The following HHAT variants were observed in gnomAD, a reference collection of about 807,000 sequenced individuals.
HHAT encodes the protein hedgehog acyltransferase, also known as protein-cysteine N-palmitoyltransferase HHAT.
In HHAT, 47 loss-of-function variants were observed where a neutral mutation model predicts 70.8. The ratio of observed to expected loss-of-function variants is 0.66; its 90% CI spans 0.53 to 0.85. The LOEUF (loss-of-function observed/expected upper bound fraction) is 0.85. Among genes scored for constraint, HHAT ranks in the 40% least tolerant of loss-of-function variants. The pLI, the probability that HHAT is intolerant of heterozygous loss-of-function variation, is 0.00. For synonymous variants in HHAT, 228 were observed against 247.6 expected (o/e 0.92, Z 0.74); for missense variants, 609 against 604.8 (o/e 1.01, Z -0.07).
chr1:210,437,841 ATTGGACACTCCCATGAATCAGTT>A lies in HHAT; in HGVS notation c.856+19519_856+19541del, dbSNP rs562132509. On this transcript the variant is annotated intron_variant, in intron 7 of 11. Transcript: ENST00000261458. ...ACAATCCTAACTATCCCAGGAAACT[ATTGGACACTCCCATGAATCAGTT>A]TTAGATTCTTACAGACAAATTGGCC... Among the ~76,000 whole-genome samples the A allele has an allele frequency of 2.3e-4, 35 of 152,062 alleles. 1 individual carries two copies. Among genetic ancestry groups the A allele is most frequent in the African/African-American group, 7.7e-4 (32 of 41,316 alleles).
chr1:210,607,467 G>A (rs1424955085), intron 10 of HHAT, among the ~76,000 whole-genome samples: 3 of 152,126 alleles, frequency 2.0e-5, no homozygotes, highest in African/African-American at 7.2e-5. Context: ...ACTTAAAAAG[G>A]AGGCCTTGCT....
Position 210,464,589 on chromosome 1 carries a change from A to G in HHAT, c.941A>G (p.Asp314Gly). ...FGVPALLMRLDGLTPPALPRC... is the reference protein window; with the variant it reads ...FGVPALLMRLGGLTPPALPRC... Reference sequence around the variant, plus strand: ...GTGCCTGCTCTGCTCATGCGCCTGGATGGACTCACTCCACCCGCCCTCCCC... The same window carrying G: ...GTGCCTGCTCTGCTCATGCGCCTGGGTGGACTCACTCCACCCGCCCTCCCC... The change falls in exon 8 of 12, where the codon GAT becomes GGT. Residue 314 changes from aspartate to glycine, a missense_variant. Coordinates refer to ENST00000261458, the MANE Select transcript of HHAT (RefSeq NM_018194.6). 2 of 1,614,108 alleles carry G rather than the reference A, an allele frequency of 1.2e-6. No individual in the cohort carries two copies. Among genetic ancestry groups the G allele is most frequent in the Non-Finnish European group, 1.7e-6 (2 of 1,180,008 alleles).
At chr1:210,347,773 G>C (rs957446402) in intron 1 of HHAT, among the ~76,000 whole-genome samples, 6 of 152,124 alleles carry the variant, frequency 3.9e-5, no homozygotes, top group Non-Finnish European at 8.8e-5. Context: ...CTGGATTTGG[G>C]GACTGAGAGG....
chr1:210,635,045 C>A (rs1671611744), intron 11 of HHAT, among the ~76,000 whole-genome samples: 1 of 152,134 alleles, frequency 6.6e-6, no homozygotes, highest in African/African-American at 2.4e-5. Flanking sequence ...CAGGGATGCA[C>A]CAATAAGCTG....
intron 8 of HHAT, among the ~76,000 whole-genome samples, chr1:210,466,001 G>T (rs1203554736): frequency 1.8e-5 from 1 of 55,260 alleles, no homozygotes; most frequent in African/African-American, 7.4e-5. Context: ...TGAATTGCAA[G>T]GAATTGCAAG....
intron 6 of HHAT, among the ~76,000 whole-genome samples, chr1:210,417,123 T>C (rs142941206): frequency 6.6e-6 from 1 of 152,300 alleles, no homozygotes; most frequent in African/African-American, 2.4e-5. Context: ...CTACACACAT[T>C]GCTGAAAGAA....
At chr1:210,574,010 T>C (rs75852973) in intron 9 of HHAT, among the ~76,000 whole-genome samples, 3,250 of 152,304 alleles carry the variant, frequency 0.021, 120 homozygotes, top group African/African-American at 0.073. Flanking sequence ...AATTAGACTC[T>C]GGTGGAGTAA....
intron 10 of HHAT, among the ~76,000 whole-genome samples, 161 bp from the exon 11 acceptor site, chr1:210,623,365 G>T (rs907925521): frequency 2.0e-5 from 3 of 152,120 alleles, no homozygotes; most frequent in African/African-American, 7.2e-5. Flanking sequence ...GAGCTGCCAC[G>T]CCCAGACAGG....
chr1:210,355,660 C>T (rs2087537240), intron 2 of HHAT, among the ~76,000 whole-genome samples: 1 of 152,028 alleles, frequency 6.6e-6, no homozygotes, highest in African/African-American at 2.4e-5. Flanking sequence ...TTTGTTTTGT[C>T]TCATCCCCAA....
intron 7 of HHAT, among the ~76,000 whole-genome samples, chr1:210,442,097 A>G (rs1002305164): frequency 1.4e-5 from 2 of 140,524 alleles, no homozygotes; most frequent in African/African-American, 5.1e-5. Context: ...GAGAATATGC[A>G]GTGTTTGGTT....
In HHAT at chr1:210,329,087, G is replaced by A; in HGVS notation, c.-61G>A. Reference sequence around the variant, plus strand: ...GCGCGTGAACGTTGCCGTCGCCGCCGCCCGGGACAGCCCGGAGGTTGGTAA... The same window carrying A: ...GCGCGTGAACGTTGCCGTCGCCGCCACCCGGGACAGCCCGGAGGTTGGTAA... On this transcript the variant is annotated 5_prime_UTR_variant, in exon 1 of 12. Coordinates refer to ENST00000261458, the MANE Select transcript of HHAT (RefSeq NM_018194.6). 1 of 1,408,354 alleles carries A rather than the reference G, an allele frequency of 7.1e-7. No homozygotes were observed. Among genetic ancestry groups the A allele is most frequent in the Non-Finnish European group, 9.3e-7 (1 of 1,079,890 alleles). 87.2% of individuals were successfully genotyped at this position (1,408,354 alleles called of 1,614,324 possible). A position where few individuals can be genotyped will look rare whatever the true frequency, so the allele number is the denominator to read the frequency against.
At chr1:210,384,008 G>C (rs2090858123) in intron 3 of HHAT, among the ~76,000 whole-genome samples, 1 of 152,100 alleles carries the variant, frequency 6.6e-6, no homozygotes, top group Non-Finnish European at 1.5e-5. Flanking sequence ...TTCCTATTTA[G>C]ACTTTGAGCT....
rs924550801 is a variant in HHAT at position 210,675,095 on chromosome 1, G to A, written c.*716G>A. ...TAGTTCCTCTACCTTACAGTTAATCGTTTCTTAATAAAGAAGCAGAATTTA... is the reference window on the plus strand; with the variant it reads ...TAGTTCCTCTACCTTACAGTTAATCATTTCTTAATAAAGAAGCAGAATTTA... On this transcript the variant is annotated 3_prime_UTR_variant, in exon 12 of 12. Transcript: ENST00000261458. The A allele has an allele frequency of 5.3e-5, 8 of 152,110 alleles. No homozygotes were observed. Among genetic ancestry groups the A allele is most frequent in the Non-Finnish European group, 7.4e-5 (5 of 68,020 alleles). The allele number at this position is 152,110 out of a possible 1,614,324, so 9.4% of individuals were successfully genotyped here.
rs768855604 is a variant in HHAT at position 210,362,929 on chromosome 1, G to A, written c.159+10G>A. On this transcript the variant is annotated intron_variant, in intron 3 of 11. Transcript: ENST00000261458. ...TGGAGGATTAAAGAAGGTACAAAGT[G>A]GATGCATAATAAATCTCAGTTTTCA... 5.0e-6 allele frequency: 8 copies of A among 1,591,256 alleles called. No homozygotes were observed. The African/African-American group carries it at 9.4e-5, about 19-fold the overall frequency.
At chr1:210,593,716 T>A (rs1259711085) in intron 10 of HHAT, among the ~76,000 whole-genome samples, 1 of 152,166 alleles carries the variant, frequency 6.6e-6, no homozygotes, top group East Asian at 1.9e-4. Context: ...TTAAAGCTGA[T>A]GTTTCTTTGT....
At chr1:210,471,490 A>G (rs2094204000) in intron 8 of HHAT, among the ~76,000 whole-genome samples, 1 of 151,880 alleles carries the variant, frequency 6.6e-6, no homozygotes. Flanking sequence ...GAGTTTGGCA[A>G]CTGTTTATCT....
At chr1:210,516,365 C>CA (rs2095057260) in intron 9 of HHAT, among the ~76,000 whole-genome samples, 1 of 152,088 alleles carries the variant, frequency 6.6e-6, no homozygotes, top group African/African-American at 2.4e-5. Flanking sequence ...ATTTAGCCAC[C>CA]AGAAGGTCTT....
In HHAT at chr1:210,418,144, T is replaced by A; in HGVS notation, c.685-10T>A. 1 of 1,614,078 alleles carries A rather than the reference T, an allele frequency of 6.2e-7. No homozygotes were observed. The highest frequency in any genetic ancestry group is 1.3e-5 in the African/African-American group (1 of 75,038). ...GCACCATCGAATGACCTCTTTTGTT[T>A]CCACTTTAGATGCAGCAGCAGGAGC... On this transcript the variant is annotated splice_polypyrimidine_tract_variant and intron_variant, in intron 6 of 11. Coordinates refer to ENST00000261458, the MANE Select transcript of HHAT (RefSeq NM_018194.6).
intron 9 of HHAT, among the ~76,000 whole-genome samples, chr1:210,527,155 C>T (rs2095260168): frequency 6.6e-6 from 1 of 152,156 alleles, no homozygotes; most frequent in African/African-American, 2.4e-5. Context: ...TTATCACCAC[C>T]TTCCAAGAAT....
Sources: gnomAD v4.1 joint callset for allele counts (sites outside exome capture counted in the v4.1 genomes callset) on GRCh38, gnomAD v4.1.1 for gene constraint, MANE v1.5 for transcripts, NCBI Gene and HGNC (gene_info 2026-07-23, HGNC 2026-07-21) for gene names.